The following ADGRE3 variants were observed in gnomAD, a reference collection of about 807,000 sequenced individuals.
ADGRE3 encodes the protein EGF-like module receptor 3.
A neutral mutation model predicts 80.1 loss-of-function variants in ADGRE3; 88 were observed. That is an observed-to-expected ratio of 1.10 (90% confidence interval 0.93 to 1.31). The LOEUF (loss-of-function observed/expected upper bound fraction) is 1.31, where lower values mean the gene tolerates loss of function less well. Among genes scored for constraint, ADGRE3 ranks in the 40% most tolerant of loss-of-function variants. The pLI, the probability that ADGRE3 is intolerant of heterozygous loss-of-function variation, is 0.00. For synonymous variants in ADGRE3, 281 were observed against 294.8 expected, an observed-to-expected ratio of 0.95 and a Z score of 0.48; for missense variants, 715 against 776.5, an observed-to-expected ratio of 0.92 and a Z score of 0.94.
At chr19:14,649,164 C>T (rs776923464) in intron 7 of ADGRE3, among the ~76,000 whole-genome samples, 12 of 150,554 alleles carry the variant, frequency 8.0e-5, no homozygotes, top group Non-Finnish European at 1.3e-4. Flanking sequence ...CCATCTCTCT[C>T]CCCATCTCTC....
chr19:14,642,332 G>A (rs950836530), intron 9 of ADGRE3, among the ~76,000 whole-genome samples: 3 of 152,038 alleles, frequency 2.0e-5, no homozygotes, highest in African/African-American at 7.2e-5. Context: ...AGCAACAAGT[G>A]AGACCCCGTA....
At chr19:14,625,164 G>A (rs1011054593) in intron 15 of ADGRE3, among the ~76,000 whole-genome samples, 1 of 152,190 alleles carries the variant, frequency 6.6e-6, no homozygotes, top group African/African-American at 2.4e-5. Context: ...ATTTTTAGTA[G>A]AGATGGGGTT....
intron 15 of ADGRE3, among the ~76,000 whole-genome samples, chr19:14,620,471 TTATGAGTAC>T (rs1970526882): frequency 8.3e-6 from 1 of 121,160 alleles, no homozygotes; most frequent in African/African-American, 3.2e-5. Context: ...TATGAATATA[TTATGAGTAC>T]ATATGAATAT....
chr19:14,625,601 T>C lies in ADGRE3; in HGVS notation c.1813-2A>G. The C allele has an allele frequency of 1.9e-6, 3 of 1,594,920 alleles. No individual in the cohort carries two copies. Among genetic ancestry groups the C allele is most frequent in the Non-Finnish European group, 2.6e-6 (3 of 1,162,940 alleles). On this transcript the variant is annotated splice_acceptor_variant, in intron 14 of 15. Coordinates refer to ENST00000253673, the MANE Select transcript of ADGRE3 (RefSeq NM_032571.5). LOFTEE classifies it high-confidence loss of function. ...CCACTTTTGATATTGTTTCTGGACC[T>C]GGAACATCAAAGGAAATACCTGGAT... is the stretch of plus-strand genomic sequence containing the variant.
intron 7 of ADGRE3, among the ~76,000 whole-genome samples, chr19:14,647,829 C>T (rs1481029610): frequency 6.6e-6 from 1 of 151,728 alleles, no homozygotes; most frequent in Non-Finnish European, 1.5e-5. Flanking sequence ...CCTGTAACCC[C>T]AGCACTTTGG....
At chr19:14,653,451 A>C (rs1276375364) in intron 6 of ADGRE3, among the ~76,000 whole-genome samples, 1 of 151,976 alleles carries the variant, frequency 6.6e-6, no homozygotes, top group Non-Finnish European at 1.5e-5. Context: ...AAAGAGTGGA[A>C]AGATAGAATA....
intron 13 of ADGRE3, among the ~76,000 whole-genome samples, chr19:14,631,415 C>T (rs895158242): frequency 6.6e-6 from 1 of 151,074 alleles, no homozygotes; most frequent in African/African-American, 2.4e-5. Flanking sequence ...TTAATAATTA[C>T]ATTGTGTCGA....
At chr19:14,610,899 C>T in the ADGRE3 span, 1 of 152,184 alleles carries the variant, frequency 6.6e-6, no homozygotes, top group Middle Eastern at 3.4e-3. Flanking sequence ...TGGGGTCAAG[C>T]AATCCTTCCG....
At position 14,638,380 on chromosome 19, in the gene ADGRE3, G is replaced by A. The variant is rs1971160165; in HGVS notation, c.1249-40C>T. 2.0e-6 allele frequency: 3 copies of A among 1,501,770 alleles called. No individual in the cohort carries two copies. In the East Asian group the frequency reaches 6.8e-5, roughly 34 times the overall value. The allele number at this position is 1,501,770 out of a possible 1,614,324, so 93.0% of individuals were successfully genotyped here. A position where few individuals can be genotyped will look rare whatever the true frequency, so the allele number is the denominator to read the frequency against. ...AGGGATGCCTGAAGGGGTTGTCAGG[G>A]TGGAGTATGGCCCTAGGACCTCTCC... On this transcript the variant is annotated intron_variant, in intron 10 of 15. Transcript: ENST00000253673.
At chr19:14,604,721 C>A in the ADGRE3 span, among the ~76,000 whole-genome samples, 1 of 151,812 alleles carries the variant, frequency 6.6e-6, no homozygotes, top group Admixed American at 6.6e-5. Context: ...TGGGATCACA[C>A]CACTGCATTC....
chr19:14,644,488 T>C (rs1971346919), intron 8 of ADGRE3, among the ~76,000 whole-genome samples: 1 of 151,898 alleles, frequency 6.6e-6, no homozygotes, highest in Admixed American at 6.6e-5. Flanking sequence ...ACCAGGCTAA[T>C]TTTTGTATTT....
intron 15 of ADGRE3, among the ~76,000 whole-genome samples, chr19:14,623,797 T>C (rs1970662042): frequency 6.6e-6 from 1 of 152,212 alleles, no homozygotes; most frequent in East Asian, 1.9e-4. Flanking sequence ...TTGGTTCTGA[T>C]GATATGTTTC....
the ADGRE3 span, among the ~76,000 whole-genome samples, chr19:14,607,309 A>G: frequency 6.7e-6 from 1 of 149,676 alleles, no homozygotes; most frequent in Non-Finnish European, 1.5e-5. Flanking sequence ...GGTTCAAGGT[A>G]TTCTCTGCCT....
At chr19:14,631,239 C>T (rs2146814539) in intron 13 of ADGRE3, among the ~76,000 whole-genome samples, 1 of 152,146 alleles carries the variant, frequency 6.6e-6, no homozygotes, top group South Asian at 2.1e-4. Context: ...CTGTTCCTAA[C>T]AGAAAGAAAT....
At chr19:14,650,571 C>T (rs191117782) in intron 7 of ADGRE3, among the ~76,000 whole-genome samples, 2 of 151,248 alleles carry the variant, frequency 1.3e-5, no homozygotes, top group Non-Finnish European at 2.9e-5. Flanking sequence ...TCTCTTTACC[C>T]ATCTGCCTCT....
Position 14,644,201 on chromosome 19 carries a change from A to G in ADGRE3, c.957T>C (p.Asp319=), listed in dbSNP as rs1179695653. The change falls in exon 9 of 16, where the codon GAT becomes GAC. Residue 319 remains aspartate (D), a synonymous_variant. Coordinates refer to ENST00000253673, the MANE Select transcript of ADGRE3 (RefSeq NM_032571.5). The part of the protein sequence containing the change: ...STGQGSQWSR[D]GCFLIHVNKS... ...TGTTCACGTGTATCAGGAAGCAGCC[A>G]TCCCTGGACCACTGGCTGCCCTGCC... is the stretch of plus-strand genomic sequence containing the variant. The G allele has an allele frequency of 1.2e-6, 2 of 1,609,076 alleles. No homozygotes were observed. The highest frequency in any genetic ancestry group is 1.7e-6 in the Non-Finnish European group (2 of 1,177,798).
chr19:14,628,433 T>C (rs1970790131), intron 14 of ADGRE3, among the ~76,000 whole-genome samples: 4 of 151,786 alleles, frequency 2.6e-5, no homozygotes, highest in Non-Finnish European at 5.9e-5. Flanking sequence ...AGCAAGAATC[T>C]GTCTCAAAAA....
chr19:14,607,181 A>G, the ADGRE3 span: 1 of 551,828 alleles, frequency 1.8e-6, no homozygotes, highest in Non-Finnish European at 2.7e-6. Context: ...GTGATGGAGT[A>G]CATGGTTGAA....
intron 13 of ADGRE3, among the ~76,000 whole-genome samples, chr19:14,631,518 T>C (rs1970881238): frequency 6.6e-6 from 1 of 151,206 alleles, no homozygotes; most frequent in Admixed American, 6.6e-5. Context: ...AATATATATA[T>C]GTACATATAT....
Sources: allele counts gnomAD v4.1 joint callset (sites outside exome capture counted in the v4.1 genomes callset), GRCh38; gene constraint gnomAD v4.1.1; transcripts MANE v1.5; gene names NCBI Gene and HGNC (gene_info 2026-07-23, HGNC 2026-07-21).